The following DSP variants were observed in gnomAD, a reference collection of about 807,000 sequenced individuals.
The protein encoded by DSP is desmoplakin.
DSP carries 114 observed loss-of-function variants against 290.6 expected under a neutral mutation model. That is an observed-to-expected ratio of 0.39 (90% CI 0.34 to 0.46). The LOEUF (loss-of-function observed/expected upper bound fraction) is 0.46. Among genes scored for constraint, DSP ranks in the 20% least tolerant of loss-of-function variants. DSP has a pLI of 0.99. For synonymous variants in DSP, 1,311 were observed against 1,316.4 expected (o/e 1.00, Z 0.09); for missense variants, 3,230 against 3,495.8 (o/e 0.92, Z 1.92).
intron 1 of DSP, among the ~76,000 whole-genome samples, chr6:7,554,082 AACACACACACACACAC>A (rs10658102): frequency 8.6e-6 from 1 of 115,898 alleles, no homozygotes; most frequent in Non-Finnish European, 1.7e-5. Flanking sequence ...CTTTCTTTAA[AACACACACACACACAC>A]ACACACACAC....
intron 3 of DSP, 83 bp from the exon 4 acceptor site, chr6:7,559,143 G>T: frequency 6.7e-7 from 1 of 1,491,222 alleles, no homozygotes; most frequent in Non-Finnish European, 9.3e-7. Flanking sequence ...TGACACAAAA[G>T]ACTCAGAAAA....
At chr6:7,547,454 G>T (rs1758199574) in intron 1 of DSP, among the ~76,000 whole-genome samples, 2 of 152,082 alleles carry the variant, frequency 1.3e-5, no homozygotes, top group African/African-American at 2.4e-5. Context: ...TTGAGATGGG[G>T]TGTTGCTCTG....
At position 7,584,228 on chromosome 6, in the gene DSP, C is replaced by T; in HGVS notation, c.6966C>T (p.Gly2322=). 6.2e-7 allele frequency: 1 copy of T among 1,614,130 alleles called. No homozygotes were observed. The highest frequency in any genetic ancestry group is 8.5e-7 in the Non-Finnish European group (1 of 1,180,032). ...VEEAYKRGLV[G]IEFKEKLLSA... ...AAGCCTACAAGAGAGGTCTGGTGGG[C>T]ATTGAGTTCAAAGAGAAGCTCCTGT... The change falls in exon 24 of 24, where the codon GGC becomes GGT. Residue 2322 remains glycine, a synonymous_variant. Coordinates refer to ENST00000379802, the MANE Select transcript of DSP (RefSeq NM_004415.4). The surrounding 1 kb of genome is among the most constrained non-coding windows in gnomAD (Gnocchi z 6.4).
intron 1 of DSP, among the ~76,000 whole-genome samples, chr6:7,555,421 A>G (rs1404436903): frequency 6.6e-6 from 1 of 152,196 alleles, no homozygotes; most frequent in Non-Finnish European, 1.5e-5. Flanking sequence ...GATTCAGAAA[A>G]AAATAATATG....
chr6:7,578,344 C>T, intron 21 of DSP, 120 bp from the exon 22 acceptor site: 1 of 871,284 alleles, frequency 1.1e-6, no homozygotes, highest in South Asian at 1.5e-5. Flanking sequence ...AATGAACACA[C>T]TAAAGAAGAG....
chr6:7,559,673 G>T (rs1758622087), intron 4 of DSP, among the ~76,000 whole-genome samples: 1 of 152,132 alleles, frequency 6.6e-6, no homozygotes. Flanking sequence ...TTAGTTAGTA[G>T]ACTTTGAATA....
At chr6:7,564,407 T>C (rs1157138182) in intron 6 of DSP, among the ~76,000 whole-genome samples, 2 of 152,230 alleles carry the variant, frequency 1.3e-5, no homozygotes, top group Admixed American at 1.3e-4. Flanking sequence ...TTGGCAATGA[T>C]ACTTTTTAAA....
chr6:7,571,922 G>A lies in DSP; in HGVS notation c.1984G>A (p.Asp662Asn), dbSNP rs1759067108. 6.2e-7 allele frequency: 1 copy of A among 1,614,124 alleles called. No homozygotes were observed. Among genetic ancestry groups the A allele is most frequent in the East Asian group, 2.2e-5 (1 of 44,872 alleles). The change falls in exon 15 of 24, where the codon GAC becomes AAC. Residue 662 changes from aspartate (D) to asparagine (N), a missense_variant. Physicochemically the swap from Asp to Asn is conservative, Grantham distance 23. Transcript: ENST00000379802. ...AGTAATTGAAACCAACAGAGAAAAT[G>A]ACAAGCAAGAAACATGGATGCTGAT... ...NKVIETNREN[D>N]KQETWMLMEL...
chr6:7,571,708 A>G (rs1581806086), intron 14 of DSP, 124 bp downstream of exon 14: 2 of 1,504,966 alleles, frequency 1.3e-6, no homozygotes, highest in East Asian at 4.5e-5. Context: ...TTCTTCGTGC[A>G]CTAAATTTTC....
intron 1 of DSP, among the ~76,000 whole-genome samples, chr6:7,552,826 T>G (rs1313422198): frequency 6.6e-6 from 1 of 152,110 alleles, no homozygotes; most frequent in Admixed American, 6.5e-5. Context: ...TTTAAGCCAA[T>G]GTTTGGTTGC....
chr6:7,581,987 T>G (rs1759453202), intron 23 of DSP, among the ~76,000 whole-genome samples: 1 of 152,120 alleles, frequency 6.6e-6, no homozygotes. Context: ...TTCTTTTGCC[T>G]GCTTAGATGA....
chr6:7,580,148 A>C lies in DSP; in HGVS notation c.3958A>C (p.Ile1320Leu). ...KQSLEEAAKT[I>L]QDKNKEIERL... ...GTCCCTGGAGGAGGCTGCCAAGACC[A>C]TTCAGGACAAAAATAAGGAGATCGA... is the stretch of plus-strand genomic sequence containing the variant. Residue 1320 changes from isoleucine to leucine, a missense_variant, in exon 23 of 24, where the codon ATT (isoleucine) becomes CTT (leucine). Transcript: ENST00000379802. This position sits in a 1 kb window ranked among gnomAD's most constrained non-coding sequence, Gnocchi z 4.2. 1 of 1,614,140 alleles carries C rather than the reference A, an allele frequency of 6.2e-7. No homozygotes were observed. The highest frequency in any genetic ancestry group is 8.5e-7 in the Non-Finnish European group (1 of 1,180,010).
chr6:7,543,396 T>C (rs1416281276), intron 1 of DSP, among the ~76,000 whole-genome samples: 7 of 112,502 alleles, frequency 6.2e-5, no homozygotes, highest in African/African-American at 2.8e-4. Context: ...ATTTTCGCTT[T>C]TTTTTTTTTT....
chr6:7,552,777 G>A (rs1244439474), intron 1 of DSP, among the ~76,000 whole-genome samples: 1 of 151,422 alleles, frequency 6.6e-6, no homozygotes, highest in Non-Finnish European at 1.5e-5. Flanking sequence ...TCTAAAACTA[G>A]GGGGAGGGAA....
intron 1 of DSP, among the ~76,000 whole-genome samples, chr6:7,543,393 C>CTTTTTTT (rs397886749): frequency 1.6e-4 from 13 of 80,032 alleles, no homozygotes; most frequent in Admixed American, 2.9e-4. Context: ...TCTATTTTCG[C>CTTTTTTT]TTTTTTTTTT....
At chr6:7,558,760 GT>G (rs1466906570) in intron 3 of DSP, among the ~76,000 whole-genome samples, 4 of 152,066 alleles carry the variant, frequency 2.6e-5, no homozygotes, top group Non-Finnish European at 5.9e-5. Context: ...GCAATCCTCC[GT>G]CTTGTGCTTC....
intron 1 of DSP, among the ~76,000 whole-genome samples, chr6:7,553,930 G>A (rs1758413323): frequency 6.6e-6 from 1 of 152,182 alleles, no homozygotes; most frequent in Non-Finnish European, 1.5e-5. Context: ...CCCCAAATGG[G>A]TGGCCAAAAA....
rs375721577 is a variant in DSP, at chr6:7,574,640, T to G, written c.2298-17T>G. On this transcript the variant is annotated splice_polypyrimidine_tract_variant and intron_variant, in intron 16 of 23. Coordinates refer to ENST00000379802, the MANE Select transcript of DSP (RefSeq NM_004415.4). ...TATGTCACTGGCAATTTTATGTGCTTCTTTTGCTCTTTCCAGCTTATGCAC... is the reference window on the plus strand; with the variant it reads ...TATGTCACTGGCAATTTTATGTGCTGCTTTTGCTCTTTCCAGCTTATGCAC... 55 of 1,613,856 alleles carry G rather than the reference T, an allele frequency of 3.4e-5. No individual in the cohort carries two copies. The highest frequency in any genetic ancestry group is 3.2e-4 in the South Asian group (29 of 91,080).
rs181180074 is a variant in DSP at position 7,545,699 on chromosome 6, G to A, written c.170+3614G>A. Reference sequence around the variant, plus strand: ...AGCGGAATGCACAGGAGGGGTGTACGTGACTTCAGAGACTTCACAAGGAGG... The same window carrying A: ...AGCGGAATGCACAGGAGGGGTGTACATGACTTCAGAGACTTCACAAGGAGG... On this transcript the variant is annotated intron_variant, in intron 1 of 23. Coordinates refer to ENST00000379802, the MANE Select transcript of DSP (RefSeq NM_004415.4). Among the ~76,000 whole-genome samples, 8 of 152,348 alleles carry A rather than the reference G, an allele frequency of 5.3e-5. No individual in the cohort carries two copies. The East Asian group carries it at 1.3e-3, about 26-fold the overall frequency.
Sources: allele counts gnomAD v4.1 joint callset (sites outside exome capture counted in the v4.1 genomes callset), GRCh38; gene constraint gnomAD v4.1.1; non-coding constraint Gnocchi (gnomAD v3.1); transcripts MANE v1.5; gene names NCBI Gene and HGNC (gene_info 2026-07-23, HGNC 2026-07-21).